Variants in AFTPH observed in about 807,000 individuals in gnomAD.
The protein encoded by AFTPH is aftiphilin, also known as aftiphilin protein.
Under a neutral mutation model 72.5 loss-of-function variants are expected in AFTPH, and 7 were observed. The ratio of observed to expected loss-of-function variants is 0.10; its 90% confidence interval spans 0.05 to 0.18. The LOEUF (loss-of-function observed/expected upper bound fraction) is 0.18, where lower values mean the gene tolerates loss of function less well. Ranked by LOEUF, AFTPH falls within the 10% of genes least tolerant of loss-of-function variation. The pLI is 1.00. For synonymous variants in AFTPH, 337 were observed against 370.1 expected (o/e 0.91, Z 1.03); for missense variants, 979 against 1,060.5 (o/e 0.92, Z 1.07).
rs192536277 is a variant in AFTPH, at chr2:64,567,350, C to A, written c.1936-212C>A. The stretch of plus-strand genomic sequence containing the variant: ...TTGCTTGGCATGTTGCTTTTAATTG[C>A]CAGCTACGTAGCTCATCATCATCAT... On this transcript the variant is annotated intron_variant, in intron 2 of 8. Transcript: ENST00000238856. 3.4e-4 allele frequency among the ~76,000 whole-genome samples: 51 copies of A among 152,190 alleles called. No individual in the cohort carries two copies. In the East Asian group the frequency reaches 9.4e-3, roughly 28 times the overall value.
intron 1 of AFTPH, among the ~76,000 whole-genome samples, chr2:64,525,034 C>T (rs890513429): frequency 6.6e-6 from 1 of 152,264 alleles, no homozygotes; most frequent in African/African-American, 2.4e-5. Context: ...GGTGTAAACA[C>T]TGCCTCCTTC....
chr2:64,589,893 AT>A (rs1326105703), intron 8 of AFTPH, among the ~76,000 whole-genome samples: 1 of 144,682 alleles, frequency 6.9e-6, no homozygotes, highest in African/African-American at 2.5e-5. Flanking sequence ...CAGGATCACT[AT>A]AATTCCTTAG....
chr2:64,566,257 TAGTG>T (rs1418738910), intron 2 of AFTPH, among the ~76,000 whole-genome samples: 2 of 150,096 alleles, frequency 1.3e-5, no homozygotes, highest in East Asian at 2.0e-4. Context: ...TCATAATTGA[TAGTG>T]AGAACCTTTT....
intron 8 of AFTPH, among the ~76,000 whole-genome samples, chr2:64,591,485 C>T (rs3821138): frequency 3.9e-5 from 6 of 152,006 alleles, no homozygotes; most frequent in Non-Finnish European, 7.4e-5. Context: ...GTAGTTTTAG[C>T]GGGTGGAGGG....
At chr2:64,529,311 T>C (rs987738703) in intron 1 of AFTPH, among the ~76,000 whole-genome samples, 1 of 128,982 alleles carries the variant, frequency 7.8e-6, no homozygotes, top group Admixed American at 7.3e-5. Flanking sequence ...TTCTCCTTTT[T>C]GAAGTTTTTT....
exon 6 of AFTPH, chr2:64,572,999 A>T: frequency 6.2e-7 from 1 of 1,614,154 alleles, no homozygotes; most frequent in Non-Finnish European, 8.5e-7. Flanking sequence ...CTGCAGAAAA[A>T]ATAGCTTCCA....
chr2:64,527,092 C>T (rs1350280071), intron 1 of AFTPH, among the ~76,000 whole-genome samples: 1 of 152,096 alleles, frequency 6.6e-6, no homozygotes, highest in Non-Finnish European at 1.5e-5. Context: ...TAAAAGTGAC[C>T]TTTGGAGAAC....
At chr2:64,574,207 C>T (rs1372278837) in intron 6 of AFTPH, among the ~76,000 whole-genome samples, 2 of 152,122 alleles carry the variant, frequency 1.3e-5, no homozygotes, top group Non-Finnish European at 2.9e-5. Context: ...CATGTTTTGT[C>T]ATTTCTTAAC....
chr2:64,533,250 T>A (rs919287643), intron 1 of AFTPH, among the ~76,000 whole-genome samples: 3 of 151,834 alleles, frequency 2.0e-5, no homozygotes, highest in Admixed American at 1.3e-4. Flanking sequence ...ATATAAAAAA[T>A]TAGCCAGATA....
chr2:64,536,566 TAA>T (rs142981388), intron 1 of AFTPH, among the ~76,000 whole-genome samples: 31,163 of 106,260 alleles, frequency 0.29, 3,874 homozygotes, highest in Middle Eastern at 0.34. Flanking sequence ...GACTCCATCT[TAA>T]AAAAAAAAAA....
chr2:64,578,476 T>C (rs931287243), intron 6 of AFTPH, among the ~76,000 whole-genome samples: 2 of 152,240 alleles, frequency 1.3e-5, no homozygotes, highest in Non-Finnish European at 2.9e-5. Context: ...AAAATGTGTT[T>C]GCACTGCCTT....
intron 1 of AFTPH, among the ~76,000 whole-genome samples, chr2:64,542,802 T>G (rs1328581425): frequency 7.4e-6 from 1 of 135,516 alleles, no homozygotes; most frequent in Non-Finnish European, 1.7e-5. Flanking sequence ...TAGAGTCATA[T>G]GAATGTTTGT....
At chr2:64,565,958 C>A (rs1327497626) in intron 2 of AFTPH, among the ~76,000 whole-genome samples, 1 of 152,164 alleles carries the variant, frequency 6.6e-6, no homozygotes, top group Admixed American at 6.5e-5. Flanking sequence ...GTTTTAGGGT[C>A]ATTTCTTTCT....
chr2:64,539,665 A>G (rs1397901623), intron 1 of AFTPH, among the ~76,000 whole-genome samples: 1 of 152,224 alleles, frequency 6.6e-6, no homozygotes, highest in Non-Finnish European at 1.5e-5. Flanking sequence ...ATGATAATAT[A>G]TTTAGTTCCT....
At chr2:64,582,714 C>T (rs949807798) in intron 7 of AFTPH, among the ~76,000 whole-genome samples, 2 of 152,138 alleles carry the variant, frequency 1.3e-5, no homozygotes, top group African/African-American at 4.8e-5. Flanking sequence ...TTGCTCTCAG[C>T]TTTGTTTTGT....
intron 2 of AFTPH, among the ~76,000 whole-genome samples, chr2:64,562,954 ATCTAAT>A (rs1428431420): frequency 6.6e-6 from 1 of 152,204 alleles, no homozygotes; most frequent in African/African-American, 2.4e-5. Flanking sequence ...GGAATTTTAC[ATCTAAT>A]TCAAGTCCAC....
chr2:64,562,627 T>C (rs1671810711), intron 2 of AFTPH, among the ~76,000 whole-genome samples: 1 of 152,206 alleles, frequency 6.6e-6, no homozygotes, highest in Non-Finnish European at 1.5e-5. Context: ...GGAGATGATA[T>C]TATTACCTCC....
At chr2:64,576,982 C>T (rs1672851910) in intron 6 of AFTPH, among the ~76,000 whole-genome samples, 1 of 152,124 alleles carries the variant, frequency 6.6e-6, no homozygotes, top group African/African-American at 2.4e-5. Flanking sequence ...TGGTCTCAAA[C>T]TCCTGACCTC....
chr2:64,572,380 C>T (rs1672490343), intron 5 of AFTPH, among the ~76,000 whole-genome samples: 1 of 152,154 alleles, frequency 6.6e-6, no homozygotes. Flanking sequence ...TAAGTTTACA[C>T]TGAAGGATAT....
Sources: allele counts gnomAD v4.1 joint callset (sites outside exome capture counted in the v4.1 genomes callset), GRCh38; gene constraint gnomAD v4.1.1; transcripts MANE v1.5; gene names NCBI Gene and HGNC (gene_info 2026-07-23, HGNC 2026-07-21).